AP1M2: variants seen among roughly 807,000 people sequenced by gnomAD.
AP1M2 encodes the protein AP-1 complex subunit mu-2.
A neutral mutation model predicts 54.6 loss-of-function variants in AP1M2; 41 were observed. The ratio of observed to expected loss-of-function variants is 0.75; its 90% CI spans 0.59 to 0.97. The LOEUF (loss-of-function observed/expected upper bound fraction) is 0.97, where lower values mean the gene tolerates loss of function less well. Among genes scored for constraint, AP1M2 ranks in the 50% least tolerant of loss-of-function variants. AP1M2 has a pLI of 0.00. For missense variants in AP1M2, 507 were observed against 561.2 expected (o/e 0.90, Z 0.98); for synonymous variants, 219 against 215.9 (o/e 1.01, Z -0.13).
In AP1M2 at chr19:10,579,695, TG is replaced by T; in HGVS notation, c.816+20del. On this transcript the variant is annotated intron_variant, in intron 7 of 11. Coordinates refer to ENST00000250244, the MANE Select transcript of AP1M2 (RefSeq NM_005498.5). ...CCTACCCCAACCTACTCCACCCAGA[TG>T]GGGCTGGACCCTGCCTCACCTGGGT... The T allele has an allele frequency of 6.2e-7, 1 of 1,602,618 alleles. No homozygotes were observed. Among genetic ancestry groups the T allele is most frequent in the Admixed American group, 1.7e-5 (1 of 58,368 alleles).
chr19:10,577,755 TA>T (rs1568430963), intron 8 of AP1M2, among the ~76,000 whole-genome samples: 2 of 108,508 alleles, frequency 1.8e-5, no homozygotes, highest in African/African-American at 3.5e-5. Flanking sequence ...TTTTTTTTTT[TA>T]GACGGAGTCT....
At chr19:10,574,853 G>A in intron 10 of AP1M2, 51 bp downstream of exon 10, 1 of 1,559,550 alleles carries the variant, frequency 6.4e-7, no homozygotes, top group South Asian at 1.2e-5. Context: ...ACAGGAGAGA[G>A]GGGAACCCAC....
chr19:10,580,044 G>GTTTTTTTTTTTTTTTTTTTTTTTTT (rs59349358), intron 6 of AP1M2, among the ~76,000 whole-genome samples, 186 bp from the exon 7 acceptor site: 1 of 71,192 alleles, frequency 1.4e-5, no homozygotes, highest in Non-Finnish European at 2.6e-5. Context: ...ATCTGGCTTG[G>GTTTTTTTTTTTTTTTTTTTTTTTTT]TTTTTTTTTT....
At chr19:10,575,683 G>T (rs1338838975) in intron 9 of AP1M2, among the ~76,000 whole-genome samples, 1 of 151,986 alleles carries the variant, frequency 6.6e-6, no homozygotes, top group Admixed American at 6.6e-5. Context: ...AAATAGACTG[G>T]CCTGGTTTCA....
intron 3 of AP1M2, among the ~76,000 whole-genome samples, chr19:10,582,926 G>A (rs1917511760): frequency 2.0e-5 from 3 of 150,786 alleles, no homozygotes; most frequent in African/African-American, 4.9e-5. Flanking sequence ...TCCAGGTTCA[G>A]GTGATTCTCC....
At chr19:10,580,371 T>C (rs1917398695) in intron 6 of AP1M2, among the ~76,000 whole-genome samples, 1 of 151,912 alleles carries the variant, frequency 6.6e-6, no homozygotes, top group East Asian at 2.0e-4. Flanking sequence ...CTTTTAAATA[T>C]GATGCTGAGG....
chr19:10,579,047 C>CA, intron 7 of AP1M2, 84 bp from the exon 8 acceptor site: 1 of 1,048,804 alleles, frequency 9.5e-7, no homozygotes, highest in Non-Finnish European at 1.3e-6. Flanking sequence ...TTCTTTGAGA[C>CA]AGAGTCTCGC....
At chr19:10,583,794 C>A (rs1917542685) in intron 2 of AP1M2, 120 bp downstream of exon 2, 17 of 1,495,830 alleles carry the variant, frequency 1.1e-5, no homozygotes, top group Non-Finnish European at 1.5e-5. Flanking sequence ...GCCCCCCAGC[C>A]TAAGCCACAG....
chr19:10,587,070 G>T, intron 1 of AP1M2, 120 bp downstream of exon 1: 2 of 1,136,154 alleles, frequency 1.8e-6, no homozygotes, highest in South Asian at 1.6e-5. Context: ...GATTCCCAGG[G>T]ATTGCAGGGG....
intron 8 of AP1M2, among the ~76,000 whole-genome samples, chr19:10,577,928 G>C (rs143399612): frequency 2.6e-5 from 4 of 151,910 alleles, no homozygotes; most frequent in Non-Finnish European, 1.5e-5. Context: ...TAGAGACAGC[G>C]TTTCTCCATG....
In AP1M2 at chr19:10,580,930, G is replaced by T. The variant is rs529683282; in HGVS notation, c.673+336C>A. 3.3e-5 allele frequency among the ~76,000 whole-genome samples: 5 copies of T among 152,110 alleles called. No homozygotes were observed. In the East Asian group the frequency reaches 5.8e-4, roughly 18 times the overall value. ...TGATCACACCACTGCACTCCAGCCTGGGTGACAGAGCGAGACCCCATCCCA... is the reference window on the plus strand; with the variant it reads ...TGATCACACCACTGCACTCCAGCCTTGGTGACAGAGCGAGACCCCATCCCA... On this transcript the variant is annotated intron_variant, in intron 6 of 11. Coordinates refer to ENST00000250244, the MANE Select transcript of AP1M2 (RefSeq NM_005498.5).
In AP1M2 at chr19:10,579,109, G is replaced by A. The variant is rs527924954; in HGVS notation, c.817-146C>T. On this transcript the variant is annotated intron_variant, in intron 7 of 11. Coordinates refer to ENST00000250244, the MANE Select transcript of AP1M2 (RefSeq NM_005498.5). Reference sequence around the variant, plus strand: ...GCGTGATCTTGGCTCACTGCAACCTGCACCTCCTGGACTAAAGCAATTCTC... The same window carrying A: ...GCGTGATCTTGGCTCACTGCAACCTACACCTCCTGGACTAAAGCAATTCTC... 1.5e-5 allele frequency: 8 copies of A among 528,472 alleles called. No individual in the cohort carries two copies. The East Asian group carries it at 2.7e-4, about 18-fold the overall frequency. The allele number at this position is 528,472 out of a possible 1,614,324, so 32.7% of individuals were successfully genotyped here.
chr19:10,578,566 T>C (rs1246440859), intron 8 of AP1M2, among the ~76,000 whole-genome samples: 5 of 152,070 alleles, frequency 3.3e-5, no homozygotes, highest in Non-Finnish European at 7.4e-5. Context: ...GATTTTTTTT[T>C]TCTTTTTTCT....
Position 10,577,303 on chromosome 19 carries a change from C to T in AP1M2, c.942G>A (p.Val314=). Residue 314 remains valine, a synonymous_variant, in exon 9 of 12, where the codon GTG becomes GTA. Coordinates refer to ENST00000250244, the MANE Select transcript of AP1M2 (RefSeq NM_005498.5). ...QSVANGVEIS[V]PVPSDADSPR... is the part of the protein sequence containing the mutation. ...GGGAGTCGGCATCGCTGGGTACAGG[C>T]ACAGATATCTCCACACCGTTGGCCA... The T allele has an allele frequency of 1.2e-6, 2 of 1,611,864 alleles. No individual in the cohort carries two copies. Among genetic ancestry groups the T allele is most frequent in the Non-Finnish European group, 1.7e-6 (2 of 1,179,116 alleles).
intron 8 of AP1M2, 62 bp from the exon 9 acceptor site, chr19:10,577,418 AAG>A (rs1917276777): frequency 6.4e-6 from 3 of 469,700 alleles, no homozygotes; most frequent in Non-Finnish European, 1.0e-5. Context: ...AATATTTACC[AAG>A]CCCTTTTTTT....
intron 3 of AP1M2, 143 bp from the exon 4 acceptor site, chr19:10,582,021 T>C (rs1327815810): frequency 1.1e-6 from 1 of 888,476 alleles, no homozygotes; most frequent in African/African-American, 1.7e-5. Context: ...CTGGGCAATA[T>C]AGTGAACCCC....
In AP1M2 at chr19:10,581,480, G is replaced by C. The variant is rs766169909; in HGVS notation, c.546+7C>G. ...GGAAGGGGTGCCGGGGAGGTGTGCA[G>C]GCTCACCAGCAGGTTGACAGACTCT... On this transcript the variant is annotated splice_region_variant and intron_variant, in intron 5 of 11. Coordinates refer to ENST00000250244, the MANE Select transcript of AP1M2 (RefSeq NM_005498.5). 5.3e-5 allele frequency: 86 copies of C among 1,613,604 alleles called. 1 individual carries two copies. The highest frequency in any genetic ancestry group is 1.6e-4 in the Middle Eastern group (1 of 6,080).
intron 6 of AP1M2, among the ~76,000 whole-genome samples, chr19:10,580,872 T>C (rs1009984458): frequency 7.2e-5 from 11 of 151,790 alleles, no homozygotes; most frequent in Admixed American, 3.9e-4. Context: ...GGAGGATCAG[T>C]TGAGCCTCGG....
chr19:10,574,724 CG>C (rs1426891355), intron 10 of AP1M2, among the ~76,000 whole-genome samples, 179 bp downstream of exon 10: 1 of 151,990 alleles, frequency 6.6e-6, no homozygotes, highest in Non-Finnish European at 1.5e-5. Context: ...TGGCACAGGC[CG>C]GGGGAGAGGG....
Sources: allele counts gnomAD v4.1 joint callset (sites outside exome capture counted in the v4.1 genomes callset), GRCh38; gene constraint gnomAD v4.1.1; transcripts MANE v1.5; gene names NCBI Gene and HGNC (gene_info 2026-07-23, HGNC 2026-07-21).